Variants in ANK3 observed in about 807,000 individuals in gnomAD.
The protein encoded by ANK3 is ankyrin-3.
ANK3 carries 57 observed loss-of-function variants against 370.9 expected under a neutral mutation model. The observed-to-expected ratio is 0.15, with a 90% CI of 0.12 to 0.19. The LOEUF (loss-of-function observed/expected upper bound fraction) is 0.19. ANK3 is among the 10% of genes least tolerant of loss of function. ANK3 has a pLI of 1.00. For missense variants in ANK3, 4,439 were observed against 5,302.1 expected (o/e 0.84, Z 5.06); for synonymous variants, 1,929 against 1,946.3 (o/e 0.99, Z 0.23).
chr10:60,631,664 G>A (rs1320283133), intron 1 of ANK3, among the ~76,000 whole-genome samples: 2 of 152,066 alleles, frequency 1.3e-5, no homozygotes, highest in Non-Finnish European at 2.9e-5. Context: ...CACGGAAATT[G>A]TTAAATCATC....
chr10:60,249,530 T>C (rs2097612274), intron 7 of ANK3, among the ~76,000 whole-genome samples: 2 of 152,238 alleles, frequency 1.3e-5, no homozygotes, highest in African/African-American at 4.8e-5. Flanking sequence ...ATCAGTTAAC[T>C]TGAAATTCTT....
chr10:60,575,117 G>A (rs2077667091), intron 2 of ANK3, among the ~76,000 whole-genome samples: 1 of 152,172 alleles, frequency 6.6e-6, no homozygotes, highest in Non-Finnish European at 1.5e-5. Context: ...TATGTTTGAA[G>A]AAAATGTCTT....
At chr10:60,338,630 A>T (rs928426233) in intron 1 of ANK3, among the ~76,000 whole-genome samples, 1 of 152,056 alleles carries the variant, frequency 6.6e-6, no homozygotes, top group Admixed American at 6.6e-5. Context: ...CCCTTGTGGG[A>T]ACTATTGCCT....
chr10:60,080,421 G>A (rs749065690), intron 36 of ANK3, 116 bp downstream of exon 36: 1 of 878,786 alleles, frequency 1.1e-6, no homozygotes, highest in South Asian at 1.6e-5. Flanking sequence ...GGGTTTTCCT[G>A]CAGGCAATTT....
chr10:60,262,304 G>T (rs375981252), intron 6 of ANK3, among the ~76,000 whole-genome samples: 2 of 152,172 alleles, frequency 1.3e-5, no homozygotes, highest in Admixed American at 6.5e-5. Flanking sequence ...TATTACTGAC[G>T]ATAGAATTGT....
At chr10:60,222,192 C>T (rs1210519603) in intron 8 of ANK3, among the ~76,000 whole-genome samples, 2 of 152,176 alleles carry the variant, frequency 1.3e-5, no homozygotes, top group East Asian at 3.9e-4. Context: ...AGGAGGGATG[C>T]CTCATCAGGA....
At chr10:60,200,382 T>C in intron 12 of ANK3, 155 bp from the exon 13 acceptor site, 1 of 686,270 alleles carries the variant, frequency 1.5e-6, no homozygotes, top group Non-Finnish European at 2.6e-6. Context: ...GCATGAGAAT[T>C]TCACAGGAAC....
chr10:60,482,536 G>A (rs2075250360), intron 2 of ANK3, among the ~76,000 whole-genome samples: 1 of 152,034 alleles, frequency 6.6e-6, no homozygotes, highest in Non-Finnish European at 1.5e-5. Context: ...CACCCAGGCT[G>A]GAGTGCAGTG....
chr10:60,154,464 C>A (rs1208099323), intron 23 of ANK3, among the ~76,000 whole-genome samples: 1 of 152,062 alleles, frequency 6.6e-6, no homozygotes, highest in East Asian at 1.9e-4. Flanking sequence ...AGTAATTCAC[C>A]TTACTTTTTT....
intron 10 of ANK3, among the ~76,000 whole-genome samples, chr10:60,206,882 G>A (rs2096771548): frequency 6.6e-6 from 1 of 152,226 alleles, no homozygotes; most frequent in Non-Finnish European, 1.5e-5. Context: ...CACTGCAGGT[G>A]CTTTCACCGA....
At chr10:60,064,740 C>T (rs980308683) in intron 38 of ANK3, among the ~76,000 whole-genome samples, 10 of 152,088 alleles carry the variant, frequency 6.6e-5, no homozygotes, top group African/African-American at 2.2e-4. Flanking sequence ...GTGGCACATG[C>T]CTGTGGTCCC....
At chr10:60,077,008 C>G (rs191946894) in intron 36 of ANK3, among the ~76,000 whole-genome samples, 1 of 152,286 alleles carries the variant, frequency 6.6e-6, no homozygotes, top group East Asian at 1.9e-4. Flanking sequence ...ATATCTAAAA[C>G]TTTTTTCCAA....
At chr10:60,033,699 G>C (rs1331249038) in intron 43 of ANK3, among the ~76,000 whole-genome samples, 1 of 152,002 alleles carries the variant, frequency 6.6e-6, no homozygotes, top group African/African-American at 2.4e-5. Context: ...AGACCCTAAT[G>C]CCTAGCTTTA....
chr10:60,671,336 CA>C, intron 1 of ANK3, among the ~76,000 whole-genome samples: 1 of 152,284 alleles, frequency 6.6e-6, no homozygotes, highest in Admixed American at 6.5e-5. Flanking sequence ...GAGGTCCCTA[CA>C]CAGGATCTTC....
chr10:60,446,396 T>G (rs554259217), intron 2 of ANK3, among the ~76,000 whole-genome samples: 1 of 152,308 alleles, frequency 6.6e-6, no homozygotes, highest in South Asian at 2.1e-4. Flanking sequence ...GCACTAATTC[T>G]GGGTAGTGCC....
intron 9 of ANK3, among the ~76,000 whole-genome samples, chr10:60,212,225 T>A (rs1271315178): frequency 6.6e-6 from 1 of 152,086 alleles, no homozygotes; most frequent in Admixed American, 6.5e-5. Context: ...TGAAAATCAA[T>A]TTGAAAGAGA....
rs143474075 is a variant in ANK3 at position 60,083,802 on chromosome 10, T to C, written c.4075-185A>G. On this transcript the variant is annotated intron_variant, in intron 32 of 43. Transcript: ENST00000280772. ...TGTGCTTACAACTCACCAACTGTAA[T>C]TGGAATCCATATCATGGACATATAC... 1.4e-3 allele frequency: 740 copies of C among 530,024 alleles called. 5 individuals carry two copies. Among genetic ancestry groups the C allele is most frequent in the African/African-American group, 0.012 (623 of 51,076 alleles). 32.8% of individuals were successfully genotyped at this position (530,024 alleles called of 1,614,324 possible).
chr10:60,042,734 G>C lies in ANK3; in HGVS notation c.13091C>G (p.Thr4364Arg). 6.2e-7 allele frequency: 1 copy of C among 1,613,516 alleles called. No individual in the cohort carries two copies. Among genetic ancestry groups the C allele is most frequent in the Non-Finnish European group, 8.5e-7 (1 of 1,179,940 alleles). The stretch of plus-strand genomic sequence containing the variant: ...TTCCACATGCCGGATTTCTTTCTTC[G>C]TTTTCACCTTAAAACCTTCTCCCTG... ...QKQGEGFKVK[T>R]KKEIRHVEKK... Residue 4364 changes from threonine to arginine, a missense_variant, in exon 43 of 44, where the codon ACG becomes AGG. Thr to Arg is a moderately conservative substitution (Grantham distance 71). This residue lies in a region of ANK3 where 242 missense variants were observed against 228.0 expected (regional missense o/e 1.06). Transcript: ENST00000280772.
At chr10:60,218,798 C>T (rs1160527512) in intron 8 of ANK3, among the ~76,000 whole-genome samples, 1 of 151,876 alleles carries the variant, frequency 6.6e-6, no homozygotes, top group Non-Finnish European at 1.5e-5. Flanking sequence ...TAATGGTGTT[C>T]TCTGTATTTC....
Sources: allele counts gnomAD v4.1 joint callset (sites outside exome capture counted in the v4.1 genomes callset), GRCh38; gene constraint gnomAD v4.1.1; regional missense constraint gnomAD v4.1.1; transcripts MANE v1.5; gene names NCBI Gene and HGNC (gene_info 2026-07-23, HGNC 2026-07-21).